The following TNN variants were observed in gnomAD, a reference collection of about 807,000 sequenced individuals.
The protein encoded by TNN is tenascin N, also known as tenascin-N.
TNN carries 122 observed loss-of-function variants against 134.4 expected under a neutral mutation model. That is an observed-to-expected ratio of 0.91 (90% confidence interval 0.78 to 1.06). The LOEUF is 1.06. Among genes scored for constraint, TNN ranks in the 50% least tolerant of loss-of-function variants. The pLI is 0.00. For synonymous variants in TNN, 710 were observed against 670.3 expected (o/e 1.06, Z -0.91); for missense variants, 1,739 against 1,699.4 (o/e 1.02, Z -0.41).
intron 7 of TNN, 73 bp downstream of exon 7, chr1:175,094,326 A>G (rs1228640156): frequency 7.1e-7 from 1 of 1,414,084 alleles, no homozygotes; most frequent in African/African-American, 1.4e-5. Context: ...TCAGGAGGTC[A>G]TTGCTCACCT....
intron 17 of TNN, among the ~76,000 whole-genome samples, chr1:175,140,424 C>T (rs1051136240): frequency 6.6e-6 from 1 of 152,264 alleles, no homozygotes; most frequent in African/African-American, 2.4e-5. Flanking sequence ...CCTCCCTGGC[C>T]TCCTGGTCAG....
At chr1:175,141,366 C>T (rs1380036915) in intron 17 of TNN, among the ~76,000 whole-genome samples, 1 of 152,142 alleles carries the variant, frequency 6.6e-6, no homozygotes, top group East Asian at 1.9e-4. Context: ...GCATGGGCCA[C>T]AGTGGGGACA....
chr1:175,072,156 C>A (rs1673929178), intron 1 of TNN, among the ~76,000 whole-genome samples: 1 of 152,166 alleles, frequency 6.6e-6, no homozygotes, highest in Admixed American at 6.5e-5. Flanking sequence ...TCCATGCAGC[C>A]CATGGTCAGT....
intron 11 of TNN, among the ~76,000 whole-genome samples, chr1:175,121,734 G>T (rs1675382226): frequency 6.6e-6 from 1 of 152,162 alleles, no homozygotes; most frequent in Admixed American, 6.5e-5. Context: ...TGTGGGGTAG[G>T]AAGAAAATGA....
chr1:175,128,889 GT>G, intron 15 of TNN, 143 bp downstream of exon 15: 1 of 891,504 alleles, frequency 1.1e-6, no homozygotes, highest in Non-Finnish European at 1.5e-6. Context: ...GCTTGTAGCT[GT>G]TTTTAGAGAG....
At chr1:175,097,810 CTG>C (rs1177657553) in intron 8 of TNN, 127 bp downstream of exon 8, 4 of 1,336,280 alleles carry the variant, frequency 3.0e-6, no homozygotes, top group Non-Finnish European at 3.0e-6. Context: ...GAAAGAAAGA[CTG>C]AGCTCTCGTG....
At chr1:175,082,255 C>T (rs1464213277) in intron 4 of TNN, among the ~76,000 whole-genome samples, 2 of 152,218 alleles carry the variant, frequency 1.3e-5, no homozygotes, top group East Asian at 1.9e-4. Flanking sequence ...CTAGCAACCC[C>T]TCATCCATCT....
chr1:175,089,329 C>A (rs1250765226), intron 6 of TNN, among the ~76,000 whole-genome samples: 2 of 152,154 alleles, frequency 1.3e-5, no homozygotes, highest in African/African-American at 4.8e-5. Flanking sequence ...GTAACTAACA[C>A]CATGACAGGG....
chr1:175,088,846 T>A (rs1674377006), intron 6 of TNN, among the ~76,000 whole-genome samples: 1 of 152,210 alleles, frequency 6.6e-6, no homozygotes, highest in African/African-American at 2.4e-5. Context: ...TAATGTGACG[T>A]ATCCTTCCAG....
chr1:175,115,265 G>A (rs1340073466), intron 9 of TNN, among the ~76,000 whole-genome samples: 1 of 152,130 alleles, frequency 6.6e-6, no homozygotes, highest in African/African-American at 2.4e-5. Flanking sequence ...ATGCTGGATG[G>A]CCTCAACACC....
chr1:175,118,752 G>C lies in TNN; in HGVS notation c.2578G>C (p.Glu860Gln), dbSNP rs927586462. The C allele has an allele frequency of 6.2e-7, 1 of 1,614,104 alleles. No individual in the cohort carries two copies. Among genetic ancestry groups the C allele is most frequent in the Non-Finnish European group, 8.5e-7 (1 of 1,180,048 alleles). The change falls in exon 11 of 19, where the codon GAG (glutamate) becomes CAG (glutamine). Residue 860 changes from glutamate to glutamine, a missense_variant. Transcript: ENST00000239462. Reference protein sequence around the residue: ...TVLTGLRPGMEYTVHVWAQKG... With the variant: ...TVLTGLRPGMQYTVHVWAQKG... ...CCTGACGGGCCTGAGGCCGGGCATG[G>C]AGTACACGGTGCACGTGTGGGCCCA...
At position 175,094,266 on chromosome 1, in the gene TNN, C is replaced by T. The variant is rs377210722; in HGVS notation, c.1588+13C>T. ...AATGCCCTCACAGGTAACAGAAGGA[C>T]GGGAGCATAAATAGGTTTCCTCATG... On this transcript the variant is annotated intron_variant, in intron 7 of 18. Transcript: ENST00000239462. The T allele has an allele frequency of 8.1e-4, 1,259 of 1,553,252 alleles. 1 individual carries two copies. Among genetic ancestry groups the T allele is most frequent in the Admixed American group, 1.8e-3 (99 of 54,052 alleles).
rs773721716 is a variant in TNN at position 175,094,276 on chromosome 1, A to AATATATGGAACCTATTT, written c.1588+26_1588+27insTATGGAACCTATTTATA. The AATATATGGAACCTATTT allele has an allele frequency of 3.9e-6, 6 of 1,534,060 alleles. No homozygotes were observed. In the East Asian group the frequency reaches 1.4e-4, roughly 36 times the overall value. On this transcript the variant is annotated intron_variant, in intron 7 of 18. Coordinates refer to ENST00000239462, the MANE Select transcript of TNN (RefSeq NM_022093.2). ...CAGGTAACAGAAGGACGGGAGCATA[A>AATATATGGAACCTATTT]ATAGGTTTCCTCATGGCAGGGAGAA...
chr1:175,110,203 T>C (rs1490232912), intron 9 of TNN, among the ~76,000 whole-genome samples: 2 of 152,212 alleles, frequency 1.3e-5, no homozygotes, highest in Non-Finnish European at 2.9e-5. Flanking sequence ...TAAAATAAGA[T>C]GATGATGATG....
chr1:175,121,441 C>T (rs536986607), intron 11 of TNN, among the ~76,000 whole-genome samples: 4 of 152,258 alleles, frequency 2.6e-5, no homozygotes, highest in Non-Finnish European at 2.9e-5. Flanking sequence ...GGCAGATCAG[C>T]CAGGACCATG....
At chr1:175,130,376 G>C (rs760356937) in intron 15 of TNN, among the ~76,000 whole-genome samples, 7 of 152,174 alleles carry the variant, frequency 4.6e-5, no homozygotes, top group Non-Finnish European at 1.0e-4. Flanking sequence ...GATTGGCTGG[G>C]GGAAATTCCC....
intron 10 of TNN, among the ~76,000 whole-genome samples, chr1:175,118,317 A>G (rs1574164748): frequency 2.0e-5 from 3 of 152,244 alleles, no homozygotes; most frequent in Admixed American, 6.5e-5. Flanking sequence ...TTGTTTTGCT[A>G]AAGACTTGGT....
At chr1:175,130,030 G>A (rs890415885) in intron 15 of TNN, among the ~76,000 whole-genome samples, 2 of 152,192 alleles carry the variant, frequency 1.3e-5, no homozygotes, top group African/African-American at 4.8e-5. Flanking sequence ...GATTGCATCA[G>A]CCTGATCCAA....
intron 6 of TNN, among the ~76,000 whole-genome samples, chr1:175,091,557 A>ATTATTTT (rs1558353455): frequency 4.6e-4 from 21 of 45,442 alleles, no homozygotes; most frequent in African/African-American, 1.9e-3. Flanking sequence ...TTTATTTATT[A>ATTATTTT]TTTTTATTTA....
Sources: allele counts gnomAD v4.1 joint callset (sites outside exome capture counted in the v4.1 genomes callset), GRCh38; gene constraint gnomAD v4.1.1; transcripts MANE v1.5; gene names NCBI Gene and HGNC (gene_info 2026-07-23, HGNC 2026-07-21).